The following FGD3 variants were observed in gnomAD, a reference collection of about 807,000 sequenced individuals.
FGD3 encodes FYVE, RhoGEF and PH domain-containing protein 3.
A neutral mutation model predicts 71.8 loss-of-function variants in FGD3; 45 were observed. That is an observed-to-expected ratio of 0.63 (90% CI 0.49 to 0.80). The LOEUF (loss-of-function observed/expected upper bound fraction) is 0.80. Ranked by LOEUF, FGD3 falls within the 30% of genes least tolerant of loss-of-function variation. The pLI is 0.00. For missense variants in FGD3, 844 were observed against 951.5 expected (o/e 0.89, Z 1.49); for synonymous variants, 378 against 392.8 (o/e 0.96, Z 0.44).
At chr9:93,012,390 C>T (rs1861445913) in intron 8 of FGD3, among the ~76,000 whole-genome samples, 1 of 152,140 alleles carries the variant, frequency 6.6e-6, no homozygotes, top group African/African-American at 2.4e-5. Context: ...CCAAGTCCTG[C>T]CCCACAAAGT....
chr9:93,015,680 C>A (rs1354298802), intron 9 of FGD3, 57 bp from the exon 10 acceptor site: 4 of 1,411,394 alleles, frequency 2.8e-6, no homozygotes, highest in African/African-American at 1.4e-5. Flanking sequence ...CTCACTGGGG[C>A]CCCTGGGGGG....
chr9:92,957,103 T>C (rs1161563054), intron 1 of FGD3, among the ~76,000 whole-genome samples: 1 of 152,246 alleles, frequency 6.6e-6, no homozygotes. Context: ...CATTCTCCAG[T>C]TGTCAGACAC....
At chr9:92,997,788 A>G (rs188596263) in intron 3 of FGD3, among the ~76,000 whole-genome samples, 102 of 152,316 alleles carry the variant, frequency 6.7e-4, no homozygotes, top group Admixed American at 9.8e-4. Flanking sequence ...AGAATGTTGA[A>G]TATTGGCCCC....
rs1326109713 is a variant in FGD3, at chr9:93,035,633, G to A, written c.*44G>A. 1.3e-6 allele frequency: 2 copies of A among 1,544,816 alleles called. No homozygotes were observed. Among genetic ancestry groups the A allele is most frequent in the East Asian group, 4.5e-5 (2 of 44,228 alleles). ...CTGCACACCACCACATTGGACCTGT[G>A]CTGTCCTGGGAGGTGGTGTTGGAGG... On this transcript the variant is annotated 3_prime_UTR_variant, in exon 18 of 18. Coordinates refer to ENST00000375482, the MANE Select transcript of FGD3 (RefSeq NM_001083536.2).
chr9:92,953,913 TA>T (rs954817167), intron 1 of FGD3, among the ~76,000 whole-genome samples: 6 of 152,236 alleles, frequency 3.9e-5, no homozygotes, highest in African/African-American at 1.4e-4. Context: ...AAATTTTCCA[TA>T]TGTAAACAGA....
At chr9:93,017,451 A>G (rs1861744189) in intron 10 of FGD3, among the ~76,000 whole-genome samples, 1 of 152,088 alleles carries the variant, frequency 6.6e-6, no homozygotes, top group African/African-American at 2.4e-5. Context: ...CATTAATTCA[A>G]AGCCCTCCCG....
chr9:93,027,076 G>A (rs896274357), intron 14 of FGD3, among the ~76,000 whole-genome samples: 9 of 152,216 alleles, frequency 5.9e-5, no homozygotes, highest in African/African-American at 1.7e-4. Context: ...AGCCCAGGCC[G>A]CCTCACCTGT....
intron 1 of FGD3, among the ~76,000 whole-genome samples, chr9:92,956,535 G>T (rs1859053247): frequency 6.6e-6 from 1 of 152,186 alleles, no homozygotes; most frequent in South Asian, 2.1e-4. Context: ...ACCACGTGAG[G>T]ACACAAGGAT....
At chr9:92,981,386 A>C (rs966049155) in intron 3 of FGD3, among the ~76,000 whole-genome samples, 2 of 146,462 alleles carry the variant, frequency 1.4e-5, no homozygotes, top group East Asian at 3.9e-4. Context: ...AAAAAAAAAG[A>C]AAAAAAAGAA....
intron 13 of FGD3, among the ~76,000 whole-genome samples, chr9:93,021,841 A>G (rs1861929967): frequency 6.6e-6 from 1 of 152,182 alleles, no homozygotes; most frequent in African/African-American, 2.4e-5. Context: ...GAGTCCTGGG[A>G]CTGCCTTGAG....
rs1564175277 is a variant in FGD3, at chr9:93,035,515, G to A, written c.2104G>A (p.Ala702Thr). The A allele has an allele frequency of 6.2e-7, 1 of 1,612,848 alleles. No individual in the cohort carries two copies. The highest frequency in any genetic ancestry group is 8.5e-7 in the Non-Finnish European group (1 of 1,179,992). ...GTGGCTGGAAACCCTAAGCACTGCTGCCCATGGGGACACGGCCCAGGACAG... is the reference window on the plus strand; with the variant it reads ...GTGGCTGGAAACCCTAAGCACTGCTACCCATGGGGACACGGCCCAGGACAG... ...QQWLETLSTAAHGDTAQDSPG... is the reference protein window; with the variant it reads ...QQWLETLSTATHGDTAQDSPG... Residue 702 changes from alanine to threonine, a missense_variant, in exon 18 of 18, where the codon GCC becomes ACC. By Grantham distance (58) the Ala-to-Thr change is moderately conservative. Coordinates refer to ENST00000375482, the MANE Select transcript of FGD3 (RefSeq NM_001083536.2).
chr9:93,023,675 T>G (rs1862012122), intron 14 of FGD3, among the ~76,000 whole-genome samples: 1 of 152,060 alleles, frequency 6.6e-6, no homozygotes, highest in Non-Finnish European at 1.5e-5. Context: ...CCCCTTGCCC[T>G]GCTAGGCCCC....
At position 93,013,975 on chromosome 9, in the gene FGD3, C is replaced by G; in HGVS notation, c.1159C>G (p.Pro387Ala). The change falls in exon 9 of 18, where the codon CCC becomes GCC. Residue 387 changes from proline (P) to alanine (A), a missense_variant. By Grantham distance (27) the Pro-to-Ala change is conservative. Coordinates refer to ENST00000375482, the MANE Select transcript of FGD3 (RefSeq NM_001083536.2). ...GAAACTGTCAGCCAAGAACGGCACC[C>G]CCCAGGACCGCCACCTCTTCCTGGT... ...IQKLSAKNGT[P>A]QDRHLFLFNS... 2 of 1,609,584 alleles carry G rather than the reference C, an allele frequency of 1.2e-6. No homozygotes were observed. The highest frequency in any genetic ancestry group is 1.3e-5 in the African/African-American group (1 of 74,888).
At chr9:92,999,778 G>A (rs960800243) in intron 3 of FGD3, among the ~76,000 whole-genome samples, 8 of 151,914 alleles carry the variant, frequency 5.3e-5, no homozygotes, top group African/African-American at 1.9e-4. Flanking sequence ...ATTTTTAGTT[G>A]AGATGGGGTT....
intron 10 of FGD3, 125 bp downstream of exon 10, chr9:93,015,954 C>G: frequency 1.2e-6 from 1 of 800,006 alleles, no homozygotes; most frequent in South Asian, 1.5e-5. Context: ...CCTGCTTTTC[C>G]AAGCCATAGA....
At chr9:93,009,644 A>G (rs1381696153) in intron 6 of FGD3, among the ~76,000 whole-genome samples, 2 of 152,188 alleles carry the variant, frequency 1.3e-5, no homozygotes, top group African/African-American at 4.8e-5. Flanking sequence ...CAGATGCCAG[A>G]TGGAGACATG....
rs111717741 is a variant in FGD3, at chr9:93,026,409, G to A, written c.1558-3465G>A. On this transcript the variant is annotated intron_variant, in intron 14 of 17. Coordinates refer to ENST00000375482, the MANE Select transcript of FGD3 (RefSeq NM_001083536.2). ...GTGCATGGCCGAGAGAGCATCCCTC[G>A]CTACTCAGGTGGGCCTCTTGCCTCT... Among the ~76,000 whole-genome samples, 1,439 of 152,248 alleles carry A rather than the reference G, an allele frequency of 9.5e-3. 23 individuals are homozygous for A. Among genetic ancestry groups the A allele is most frequent in the African/African-American group, 0.033 (1,356 of 41,536 alleles).
chr9:92,957,553 G>A (rs1267700185), intron 1 of FGD3, among the ~76,000 whole-genome samples: 1 of 150,386 alleles, frequency 6.6e-6, no homozygotes, highest in Non-Finnish European at 1.5e-5. Flanking sequence ...AAATGGAATC[G>A]TTTGTCTTTT....
intron 1 of FGD3, among the ~76,000 whole-genome samples, chr9:92,949,830 C>T (rs1318083987): frequency 1.3e-5 from 2 of 152,194 alleles, no homozygotes; most frequent in Admixed American, 6.5e-5. Context: ...TCTCCCACCA[C>T]AACCCTCTGA....
Sources: gnomAD v4.1 joint callset for allele counts (sites outside exome capture counted in the v4.1 genomes callset) on GRCh38, gnomAD v4.1.1 for gene constraint, MANE v1.5 for transcripts, NCBI Gene and HGNC (gene_info 2026-07-23, HGNC 2026-07-21) for gene names.